The following FTO variants were observed in gnomAD, a reference collection of about 807,000 sequenced individuals.
The protein encoded by FTO is alpha-ketoglutarate-dependent dioxygenase FTO.
FTO carries 47 observed loss-of-function variants against 63.9 expected under a neutral mutation model. The observed-to-expected ratio is 0.74, with a 90% CI of 0.58 to 0.94. The LOEUF is 0.94. FTO is among the 40% of genes least tolerant of loss of function. FTO has a pLI of 0.00. For missense variants in FTO, 562 were observed against 618.1 expected (o/e 0.91, Z 0.96); for synonymous variants, 207 against 224.4 (o/e 0.92, Z 0.69).
At chr16:53,719,097 T>G (rs540129493) in intron 1 of FTO, among the ~76,000 whole-genome samples, 2 of 152,302 alleles carry the variant, frequency 1.3e-5, no homozygotes, top group African/African-American at 4.8e-5. Flanking sequence ...TTGTGCTTTC[T>G]TTTGTCAAAT....
intron 8 of FTO, among the ~76,000 whole-genome samples, chr16:53,963,245 G>T (rs1355806017): frequency 6.6e-6 from 1 of 152,094 alleles, no homozygotes; most frequent in Non-Finnish European, 1.5e-5. Flanking sequence ...AATTCTCCAT[G>T]TTTCTGTCTC....
intron 8 of FTO, among the ~76,000 whole-genome samples, chr16:54,067,116 T>G (rs2085749730): frequency 1.4e-5 from 2 of 145,198 alleles, no homozygotes; most frequent in African/African-American, 2.5e-5. Flanking sequence ...TTACTTCTTT[T>G]TGGGGTGTTT....
chr16:53,896,239 A>G (rs1056487245), intron 7 of FTO, among the ~76,000 whole-genome samples: 2 of 152,028 alleles, frequency 1.3e-5, no homozygotes, highest in African/African-American at 4.8e-5. Context: ...CTGGTGCAAG[A>G]TTGGAATGTC....
chr16:53,817,746 G>C (rs1398180574), intron 2 of FTO, among the ~76,000 whole-genome samples: 1 of 152,080 alleles, frequency 6.6e-6, no homozygotes, highest in Non-Finnish European at 1.5e-5. Context: ...TTATATAATG[G>C]CTTAAAATAG....
At chr16:53,856,427 A>G (rs2079998264) in intron 4 of FTO, among the ~76,000 whole-genome samples, 1 of 151,320 alleles carries the variant, frequency 6.6e-6, no homozygotes, top group Non-Finnish European at 1.5e-5. Context: ...CGTGAAGGTG[A>G]TAAGAGCTTT....
At position 54,020,625 on chromosome 16, in the gene FTO, C is replaced by T. The variant is rs142000356; in HGVS notation, c.1364+86516C>T. ...GTTTCAGAAAGGCTTTTGGAGTGTA[C>T]GTGCCACAGACCCCAAAAAGAGATG... On this transcript the variant is annotated intron_variant, in intron 8 of 8. Transcript: ENST00000471389. Among the ~76,000 whole-genome samples, 93 of 152,254 alleles carry T rather than the reference C, an allele frequency of 6.1e-4. 1 individual carries two copies. Among genetic ancestry groups the T allele is most frequent in the African/African-American group, 2.1e-3 (88 of 41,542 alleles).
chr16:53,917,965 A>G (rs1178774170), intron 7 of FTO, among the ~76,000 whole-genome samples: 4 of 152,164 alleles, frequency 2.6e-5, no homozygotes, highest in Non-Finnish European at 2.9e-5. Context: ...AATCGTTACA[A>G]TGTCAGTAGC....
At chr16:53,903,014 G>A (rs981898989) in intron 7 of FTO, among the ~76,000 whole-genome samples, 16 of 152,170 alleles carry the variant, frequency 1.1e-4, no homozygotes, top group Non-Finnish European at 4.4e-5. Context: ...GGAGGGTGGG[G>A]CAGGAGGATC....
chr16:53,994,066 G>A (rs2083875748), intron 8 of FTO: 1 of 152,084 alleles, frequency 6.6e-6, no homozygotes, highest in Non-Finnish European at 1.5e-5. Context: ...AAATGGGATT[G>A]GCCTCTCTAA....
chr16:53,897,000 C>T (rs992265950), intron 7 of FTO, among the ~76,000 whole-genome samples: 8 of 152,256 alleles, frequency 5.3e-5, no homozygotes, highest in African/African-American at 1.4e-4. Context: ...TAAGTTGGCC[C>T]TTCCGTGCCT....
intron 8 of FTO, among the ~76,000 whole-genome samples, chr16:54,066,086 A>C (rs1206563610): frequency 2.0e-5 from 3 of 152,190 alleles, no homozygotes; most frequent in African/African-American, 7.2e-5. Flanking sequence ...GGTAGATATT[A>C]TTGGTCCCGC....
chr16:53,842,355 C>A (rs2079501336), intron 3 of FTO, among the ~76,000 whole-genome samples: 1 of 152,190 alleles, frequency 6.6e-6, no homozygotes. Context: ...ACTGACATAT[C>A]CCACATGCCT....
chr16:53,953,910 A>G (rs1005188152), intron 8 of FTO, among the ~76,000 whole-genome samples: 5 of 152,246 alleles, frequency 3.3e-5, no homozygotes, highest in African/African-American at 1.2e-4. Flanking sequence ...GATGCCAGCT[A>G]TGGCTGAATT....
intron 1 of FTO, among the ~76,000 whole-genome samples, chr16:53,734,093 C>A (rs1443368941): frequency 6.6e-6 from 1 of 152,206 alleles, no homozygotes; most frequent in Non-Finnish European, 1.5e-5. Context: ...AAAAGCATTT[C>A]TTGGGTTAAT....
At chr16:54,041,233 G>A (rs2085068004) in intron 8 of FTO, among the ~76,000 whole-genome samples, 1 of 152,094 alleles carries the variant, frequency 6.6e-6, no homozygotes, top group African/African-American at 2.4e-5. Flanking sequence ...CTTACATCAT[G>A]GTGGAAGGCG....
intron 1 of FTO, among the ~76,000 whole-genome samples, chr16:53,744,678 T>A (rs1249390000): frequency 6.6e-6 from 1 of 152,230 alleles, no homozygotes; most frequent in Non-Finnish European, 1.5e-5. Context: ...ACATATTTCG[T>A]AGCTGATCAA....
chr16:53,982,071 C>G (rs2083558113), intron 8 of FTO, among the ~76,000 whole-genome samples: 1 of 151,270 alleles, frequency 6.6e-6, no homozygotes. Flanking sequence ...CAGAGCGAGA[C>G]TCTGTTAAAA....
intron 8 of FTO, among the ~76,000 whole-genome samples, chr16:53,951,111 A>T (rs867526723): frequency 2.0e-5 from 3 of 152,228 alleles, no homozygotes; most frequent in Admixed American, 6.5e-5. Context: ...TACCAAATGT[A>T]TCACATGAAA....
At chr16:53,884,752 A>G (rs1027328402) in intron 6 of FTO, among the ~76,000 whole-genome samples, 1 of 152,222 alleles carries the variant, frequency 6.6e-6, no homozygotes, top group African/African-American at 2.4e-5. Context: ...AAGTCCAGAT[A>G]TGTGGGTTGA....
Sources: gnomAD v4.1 joint callset for allele counts (sites outside exome capture counted in the v4.1 genomes callset) on GRCh38, gnomAD v4.1.1 for gene constraint, MANE v1.5 for transcripts, NCBI Gene and HGNC (gene_info 2026-07-23, HGNC 2026-07-21) for gene names.